Variants in DCHS1 observed in about 807,000 individuals in gnomAD.
The protein encoded by DCHS1 is dachsous cadherin-related 1, also known as protocadherin-16.
A neutral mutation model predicts 213.9 loss-of-function variants in DCHS1; 78 were observed. The observed-to-expected ratio is 0.36, with a 90% CI of 0.30 to 0.44. The LOEUF (loss-of-function observed/expected upper bound fraction) is 0.44, where lower values mean the gene tolerates loss of function less well. Ranked by LOEUF, DCHS1 falls within the 20% of genes least tolerant of loss-of-function variation. The pLI is 1.00. For missense variants in DCHS1, 3,946 were observed against 4,395.9 expected, an observed-to-expected ratio of 0.90 and a Z score of 2.89; for synonymous variants, 1,828 against 1,873.7, an observed-to-expected ratio of 0.98 and a Z score of 0.63.
chr11:6,625,619 G>A lies in DCHS1; in HGVS notation c.6840C>T (p.Pro2280=). 1 of 1,613,706 alleles carries A rather than the reference G, an allele frequency of 6.2e-7. No homozygotes were observed. The highest frequency in any genetic ancestry group is 8.5e-7 in the Non-Finnish European group (1 of 1,179,866). The change falls in exon 18 of 21, where the codon CCC becomes CCT. Residue 2280 remains proline, a synonymous_variant. Transcript: ENST00000299441. The surrounding 1 kb of genome is among the most constrained non-coding windows in gnomAD (Gnocchi z 5.3). ...CACCTTCTGACACTCGGAGCTCCCA[G>A]GGTTGGGGGATGGTGGGGCGATTGT... ...TNDNRPTIPQ[P]WELRVSEDAL...
chr11:6,641,376 T>A lies in DCHS1; in HGVS notation c.238A>T (p.Ile80Phe), dbSNP rs1856071507. Residue 80 changes from isoleucine (I) to phenylalanine (F), a missense_variant, in exon 2 of 21, where the codon ATC becomes TTC. Physicochemically the swap from Ile to Phe is conservative, Grantham distance 21. Coordinates refer to ENST00000299441, the MANE Select transcript of DCHS1 (RefSeq NM_003737.4). This position sits in a 1 kb window ranked among gnomAD's most constrained non-coding sequence, Gnocchi z 7.1. ...ACGCCGCTGCCCTCTTGGGCAGAGA[T>A]GAAGTACATGAGAGGAGCTGCCGTG... The part of the protein sequence containing the change: ...AGTAAPLMYF[I>F]SAQEGSGVGT... The A allele has an allele frequency of 1.2e-6, 2 of 1,613,406 alleles. No homozygotes were observed. The highest frequency in any genetic ancestry group is 8.5e-7 in the Non-Finnish European group (1 of 1,179,862).
In DCHS1 at chr11:6,632,161, GT is replaced by G; in HGVS notation, c.3350del (p.Asn1117ThrfsTer24). On this transcript the variant is annotated frameshift_variant, in exon 6 of 21. Transcript: ENST00000299441. LOFTEE classifies it high-confidence loss of function. This position sits in a 1 kb window ranked among gnomAD's most constrained non-coding sequence, Gnocchi z 5.9. The stretch of plus-strand genomic sequence containing the variant: ...GGCCCACGCTGGTCCCTGGGGGCTG[GT>G]TCTCAGCCACAGCCAGGAAGGTGGG... ...EDPTFLAVAE[N>X]QPPGTSVGRV... is the part of the protein sequence containing the mutation. The G allele has an allele frequency of 6.3e-7, 1 of 1,595,560 alleles. No homozygotes were observed. The highest frequency in any genetic ancestry group is 8.6e-7 in the Non-Finnish European group (1 of 1,167,616).
Position 6,628,567 on chromosome 11 carries a change from A to C in DCHS1, c.5371+54T>G. The C allele has an allele frequency of 1.2e-6, 2 of 1,601,082 alleles. No homozygotes were observed. The highest frequency in any genetic ancestry group is 1.7e-6 in the Non-Finnish European group (2 of 1,169,610). ...CTGAGGCTGACAGCAGCCAAGAAGGAGCAAGAACCAGGCAAGTGGGTGCTG... is the reference window on the plus strand; with the variant it reads ...CTGAGGCTGACAGCAGCCAAGAAGGCGCAAGAACCAGGCAAGTGGGTGCTG... On this transcript the variant is annotated intron_variant, in intron 13 of 20. Transcript: ENST00000299441. The surrounding 1 kb of genome is among the most constrained non-coding windows in gnomAD (Gnocchi z 4.3).
chr11:6,632,341 C>G lies in DCHS1; in HGVS notation c.3171G>C (p.Arg1057=). ...LEPQSGWLWV[R]AALDREAQEL... ...CCTGGGCCTCACGGTCTAGTGCTGC[C>G]CGCACCCATAGCCACCCACTCTGTG... The change falls in exon 6 of 21, where the codon CGG becomes CGC. Residue 1057 remains arginine (R), a synonymous_variant. Transcript: ENST00000299441. The surrounding 1 kb of genome is among the most constrained non-coding windows in gnomAD (Gnocchi z 5.9). 6.2e-7 allele frequency: 1 copy of G among 1,613,948 alleles called. No homozygotes were observed. Among genetic ancestry groups the G allele is most frequent in the Non-Finnish European group, 8.5e-7 (1 of 1,179,852 alleles).
At chr11:6,631,968 C>T in intron 6 of DCHS1, 63 bp downstream of exon 6, 2 of 1,477,468 alleles carry the variant, frequency 1.4e-6, no homozygotes, top group South Asian at 2.8e-5. Flanking sequence ...GGGATCCTGT[C>T]TGAATGTTCA....
Position 6,655,691 on chromosome 11 carries a change from G to C in DCHS1, c.-249C>G. The C allele has an allele frequency of 1.0e-6, 1 of 979,370 alleles. No homozygotes were observed. The highest frequency in any genetic ancestry group is 1.2e-6 in the Non-Finnish European group (1 of 827,720). The allele number at this position is 979,370 out of a possible 1,614,324, so 60.7% of individuals were successfully genotyped here. On this transcript the variant is annotated 5_prime_UTR_variant, in exon 1 of 21. Coordinates refer to ENST00000299441, the MANE Select transcript of DCHS1 (RefSeq NM_003737.4). ...TCCGCAGTCGCTGTCTCCGAGGCCC[G>C]CGATCCCCTCCGGGCAGCCGCCGTC...
intron 1 of DCHS1, 85 bp downstream of exon 1, chr11:6,655,478 G>T: frequency 1.1e-6 from 1 of 884,938 alleles, no homozygotes; most frequent in Non-Finnish European, 1.4e-6. Context: ...AAAGCCCCCG[G>T]CTCCGCCGCC....
rs187784912 is a variant in DCHS1, at chr11:6,634,215, C to T, written c.1889G>A (p.Arg630His). 14 of 1,613,880 alleles carry T rather than the reference C, an allele frequency of 8.7e-6. No individual in the cohort carries two copies. The highest frequency in any genetic ancestry group is 6.7e-5 in the Admixed American group (4 of 60,010). The change falls in exon 3 of 21, where the codon CGC becomes CAC. Residue 630 changes from arginine to histidine, a missense_variant. Transcript: ENST00000299441. ...CACATCACCGCTGTGGGCATCAATG[C>T]GGAATGGGGGAGATCCGGAGGACCC... The part of the protein sequence containing the change: ...GLGSSGSPPF[R>H]IDAHSGDVCT...
chr11:6,629,647 C>T (rs760320729), intron 11 of DCHS1, 25 bp downstream of exon 11: 30 of 1,612,532 alleles, frequency 1.9e-5, no homozygotes, highest in Non-Finnish European at 2.5e-5. Context: ...CCATCCCACT[C>T]ATAATTCACC....
chr11:6,655,287 T>C (rs1013789283), intron 1 of DCHS1, among the ~76,000 whole-genome samples: 22 of 151,962 alleles, frequency 1.4e-4, no homozygotes, highest in Non-Finnish European at 2.6e-4. Flanking sequence ...ACTCCGACGA[T>C]GCACTGGAAC....
At chr11:6,637,823 G>T (rs1856007436) in intron 2 of DCHS1, among the ~76,000 whole-genome samples, 1 of 152,110 alleles carries the variant, frequency 6.6e-6, no homozygotes, top group Non-Finnish European at 1.5e-5. Context: ...GATGAGGGGA[G>T]TGACGCATTC....
At position 6,633,943 on chromosome 11, in the gene DCHS1, C is replaced by G; in HGVS notation, c.2064G>C (p.Arg688=). 1 of 1,614,000 alleles carries G rather than the reference C, an allele frequency of 6.2e-7. No homozygotes were observed. Among genetic ancestry groups the G allele is most frequent in the Non-Finnish European group, 8.5e-7 (1 of 1,179,898 alleles). The change falls in exon 4 of 21, where the codon CGG becomes CGC. Residue 688 remains arginine (R), a synonymous_variant. Transcript: ENST00000299441. ...GGGCACTTATACTGGCAGCATACTC[C>G]CGTGGATAAAACTGAGGAGGGTTGT... ...ENDNPPQFYP[R]EYAASISAQS...
chr11:6,640,101 T>C lies in DCHS1; in HGVS notation c.1513A>G (p.Asn505Asp), dbSNP rs745711120. 1 of 1,613,714 alleles carries C rather than the reference T, an allele frequency of 6.2e-7. No homozygotes were observed. The highest frequency in any genetic ancestry group is 8.5e-7 in the Non-Finnish European group (1 of 1,179,764). The change falls in exon 2 of 21, where the codon AAT (asparagine) becomes GAT (aspartate). Residue 505 changes from asparagine (N) to aspartate (D), a missense_variant. Transcript: ENST00000299441. The surrounding 1 kb of genome is among the most constrained non-coding windows in gnomAD (Gnocchi z 6.5). ...GCTAGGCTATAAGTGACCTGACCAT[T>C]GGTGCCTTGGTCAGGATCCCGAGCA... ...VTARDPDQGT[N>D]GQVTYSLAPG...
chr11:6,630,217 C>T lies in DCHS1; in HGVS notation c.4577G>A (p.Arg1526His). ...TDRPANASRR[R>H]AARVSARVFV... ...GACGCGCGCTGAAACGCGCGCTGCA[C>T]GACGGCGGCTGGCGTTGGCGGGCCG... Residue 1526 changes from arginine (R) to histidine (H), a missense_variant, in exon 10 of 21, where the codon CGT becomes CAT. Physicochemically the swap from Arg to His is conservative, Grantham distance 29. This residue lies in a region of DCHS1 where 3,384 missense variants were observed against 3,780.1 expected (regional missense o/e 0.90). Transcript: ENST00000299441. 6.4e-7 allele frequency: 1 copy of T among 1,565,066 alleles called. No homozygotes were observed. Among genetic ancestry groups the T allele is most frequent in the Non-Finnish European group, 8.6e-7 (1 of 1,157,382 alleles).
intron 5 of DCHS1, among the ~76,000 whole-genome samples, 156 bp downstream of exon 5, chr11:6,633,256 T>G (rs1855940678): frequency 1.3e-5 from 2 of 152,172 alleles, no homozygotes; most frequent in Non-Finnish European, 2.9e-5. Flanking sequence ...GCAGTGTGCC[T>G]GCACTGTGCC....
chr11:6,626,913 A>C lies in DCHS1; in HGVS notation c.6126T>G (p.Asp2042Glu). 6.2e-7 allele frequency: 1 copy of C among 1,613,518 alleles called. No individual in the cohort carries two copies. The highest frequency in any genetic ancestry group is 8.5e-7 in the Non-Finnish European group (1 of 1,179,850). The change falls in exon 14 of 21, where the codon GAT becomes GAG. Residue 2042 changes from aspartate (D) to glutamate (E), a missense_variant. By Grantham distance (45) the Asp-to-Glu change is conservative. Transcript: ENST00000299441. The surrounding 1 kb of genome is among the most constrained non-coding windows in gnomAD (Gnocchi z 5.2). The stretch of plus-strand genomic sequence containing the variant: ...TGGCAGAGCGAGCTGGACGGCCAAG[A>C]TCAGTGGCCACAATGAAGAGGACAC... ...RDRVLFIVAT[D>E]LGRPARSATG...
chr11:6,632,525 A>G lies in DCHS1; in HGVS notation c.2987T>C (p.Leu996Pro). Reference sequence around the variant, plus strand: ...GGTAGGGCTGTTGAATCGGGGAGCCAGCCCACGGGTTCCCACATCCTGTAC... The same window carrying G: ...GGTAGGGCTGTTGAATCGGGGAGCCGGCCCACGGGTTCCCACATCCTGTAC... ...VVVQDVGTRG[L>P]APRFNSPTYR... The change falls in exon 6 of 21, where the codon CTG (leucine) becomes CCG (proline). Residue 996 changes from leucine (L) to proline (P), a missense_variant. Physicochemically the swap from Leu to Pro is moderately conservative, Grantham distance 98. Around this residue, in one of 3 missense-constraint regions of DCHS1, gnomAD observed 3,384 missense variants for 3,780.1 expected, o/e 0.90. Coordinates refer to ENST00000299441, the MANE Select transcript of DCHS1 (RefSeq NM_003737.4). This position sits in a 1 kb window ranked among gnomAD's most constrained non-coding sequence, Gnocchi z 5.9. 6.5e-7 allele frequency: 1 copy of G among 1,538,512 alleles called. No individual in the cohort carries two copies. Among genetic ancestry groups the G allele is most frequent in the East Asian group, 2.3e-5 (1 of 43,116 alleles).
At chr11:6,645,687 G>A (rs1856143925) in intron 1 of DCHS1, among the ~76,000 whole-genome samples, 1 of 152,158 alleles carries the variant, frequency 6.6e-6, no homozygotes, top group Admixed American at 6.5e-5. Flanking sequence ...GATGCCCTGT[G>A]TGAAAACAAC....
In DCHS1 at chr11:6,627,303, G is replaced by A. The variant is rs1190910084; in HGVS notation, c.5736C>T (p.Arg1912=). The A allele has an allele frequency of 6.2e-7, 1 of 1,612,124 alleles. No homozygotes were observed. Among genetic ancestry groups the A allele is most frequent in the African/African-American group, 1.3e-5 (1 of 74,910 alleles). Residue 1912 remains arginine, a synonymous_variant, in exon 14 of 21, where the codon CGC becomes CGT. Coordinates refer to ENST00000299441, the MANE Select transcript of DCHS1 (RefSeq NM_003737.4). The surrounding 1 kb of genome is among the most constrained non-coding windows in gnomAD (Gnocchi z 5.4). ...GTTCTCTGTCCAAGGCTGCAGCTGT[G>A]CGCAGTTCTCCAGAGCTGGGCTCCA... The part of the protein sequence containing the change: ...FLLEPSSGEL[R]TAAALDREQC...
Sources: allele counts gnomAD v4.1 joint callset (sites outside exome capture counted in the v4.1 genomes callset), GRCh38; gene constraint gnomAD v4.1.1; regional missense constraint gnomAD v4.1.1; non-coding constraint Gnocchi (gnomAD v3.1); transcripts MANE v1.5; gene names NCBI Gene and HGNC (gene_info 2026-07-23, HGNC 2026-07-21).